Variants in CSGALNACT1 observed in about 807,000 individuals in gnomAD.
CSGALNACT1 encodes the protein chondroitin sulfate N-acetylgalactosaminyltransferase 1, also known as beta4GalNAcT-1.
A neutral mutation model predicts 51.0 loss-of-function variants in CSGALNACT1; 52 were observed. The ratio of observed to expected loss-of-function variants is 1.02; its 90% confidence interval spans 0.82 to 1.29. The LOEUF (loss-of-function observed/expected upper bound fraction) is 1.29. CSGALNACT1 is among the 50% of genes most tolerant of loss of function. The probability of loss-of-function intolerance (pLI) is 0.00; values close to 1 mark genes in which losing one functional copy is unlikely to be tolerated. For missense variants in CSGALNACT1, 935 were observed against 679.2 expected, an observed-to-expected ratio of 1.38 and a Z score of -4.19; for synonymous variants, 341 against 254.4, an observed-to-expected ratio of 1.34 and a Z score of -3.24.
At chr8:19,677,738 G>C (rs901529378) in intron 1 of CSGALNACT1, among the ~76,000 whole-genome samples, 1 of 152,184 alleles carries the variant, frequency 6.6e-6, no homozygotes, top group South Asian at 2.1e-4. Context: ...TTAAGGAAAG[G>C]TGAGATGTTG....
intron 1 of CSGALNACT1, among the ~76,000 whole-genome samples, chr8:19,614,932 TAA>T (rs2052787818): frequency 6.6e-6 from 1 of 152,240 alleles, no homozygotes; most frequent in Non-Finnish European, 1.5e-5. Flanking sequence ...GAAGCCCAGC[TAA>T]AGAGTTTTGC....
At chr8:19,675,252 GA>G (rs1012285312) in intron 1 of CSGALNACT1, among the ~76,000 whole-genome samples, 2 of 152,164 alleles carry the variant, frequency 1.3e-5, no homozygotes, top group African/African-American at 4.8e-5. Flanking sequence ...AATCAGGCAG[GA>G]TGTAGAGAGG....
intron 1 of CSGALNACT1, among the ~76,000 whole-genome samples, chr8:19,632,495 A>G (rs1463940717): frequency 6.6e-6 from 1 of 152,272 alleles, no homozygotes; most frequent in Non-Finnish European, 1.5e-5. Flanking sequence ...TTCGTCAGAA[A>G]TAAGCATAAC....
intron 5 of CSGALNACT1, among the ~76,000 whole-genome samples, chr8:19,456,202 C>A (rs754404630): frequency 5.3e-5 from 8 of 152,192 alleles, no homozygotes; most frequent in Non-Finnish European, 1.0e-4. Context: ...TCTGCTGACA[C>A]TAAGGAAATA....
intron 3 of CSGALNACT1, among the ~76,000 whole-genome samples, chr8:19,561,201 G>T (rs1320590022): frequency 1.3e-5 from 2 of 152,172 alleles, no homozygotes; most frequent in Non-Finnish European, 2.9e-5. Context: ...GGGACTCATG[G>T]AAGGTTATGG....
intron 4 of CSGALNACT1, among the ~76,000 whole-genome samples, chr8:19,495,860 G>A (rs2075356678): frequency 6.6e-6 from 1 of 152,124 alleles, no homozygotes; most frequent in Admixed American, 6.5e-5. Context: ...GGAAATATAG[G>A]GAAAAGGTAG....
intron 3 of CSGALNACT1, among the ~76,000 whole-genome samples, chr8:19,584,450 G>A (rs1164644501): frequency 6.6e-6 from 1 of 152,136 alleles, no homozygotes; most frequent in Non-Finnish European, 1.5e-5. Context: ...AGAAAGCTTA[G>A]GCTAATGGTT....
At chr8:19,473,800 A>G (rs1227151226) in intron 4 of CSGALNACT1, among the ~76,000 whole-genome samples, 2 of 152,228 alleles carry the variant, frequency 1.3e-5, no homozygotes, top group African/African-American at 2.4e-5. Flanking sequence ...TGGGGAAAAT[A>G]TATATGTATT....
At chr8:19,490,601 C>T (rs1166610039) in intron 4 of CSGALNACT1, among the ~76,000 whole-genome samples, 2 of 152,170 alleles carry the variant, frequency 1.3e-5, no homozygotes, top group Non-Finnish European at 2.9e-5. Context: ...ACTGATAAAT[C>T]CACACCAGCT....
intron 3 of CSGALNACT1, among the ~76,000 whole-genome samples, chr8:19,554,762 AC>A (rs2089270305): frequency 6.6e-6 from 1 of 152,128 alleles, no homozygotes; most frequent in African/African-American, 2.4e-5. Context: ...TACTAAAAAT[AC>A]AAAAATTAGC....
chr8:19,751,770 C>G (rs917424948), intron 1 of CSGALNACT1, among the ~76,000 whole-genome samples: 1 of 152,058 alleles, frequency 6.6e-6, no homozygotes, highest in African/African-American at 2.4e-5. Flanking sequence ...GCACTTCCCC[C>G]TTGGCTCTCT....
At chr8:19,534,947 A>T (rs941835369) in intron 3 of CSGALNACT1, among the ~76,000 whole-genome samples, 3 of 152,174 alleles carry the variant, frequency 2.0e-5, no homozygotes, top group Non-Finnish European at 4.4e-5. Context: ...GAAGCTTCAA[A>T]TCCCTGACCA....
At chr8:19,490,505 C>G (rs936275645) in intron 4 of CSGALNACT1, among the ~76,000 whole-genome samples, 8 of 152,200 alleles carry the variant, frequency 5.3e-5, no homozygotes, top group African/African-American at 1.2e-4. Context: ...GAAAGGGACT[C>G]TGACGGAGAA....
intron 1 of CSGALNACT1, among the ~76,000 whole-genome samples, chr8:19,698,075 T>A (rs1020849840): frequency 6.6e-6 from 1 of 151,426 alleles, no homozygotes; most frequent in African/African-American, 2.4e-5. Context: ...CTGCGGGGGC[T>A]GAAGAGTGAA....
chr8:19,404,938 C>T (rs954793959), exon 10 of CSGALNACT1: 1 of 454,130 alleles, frequency 2.2e-6, no homozygotes, highest in Non-Finnish European at 4.4e-6. Flanking sequence ...TTCCCTATGT[C>T]TCAATGCCTG....
chr8:19,719,602 C>A (rs1240530007), intron 1 of CSGALNACT1, among the ~76,000 whole-genome samples: 2 of 152,130 alleles, frequency 1.3e-5, no homozygotes, highest in Non-Finnish European at 2.9e-5. Flanking sequence ...AGCAAATCAG[C>A]AAAAAATCCC....
At chr8:19,641,940 A>C (rs555544183) in intron 1 of CSGALNACT1, 3 of 152,182 alleles carry the variant, frequency 2.0e-5, no homozygotes, top group Non-Finnish European at 4.4e-5. Flanking sequence ...GGTTTATTTT[A>C]CAACCCTTTA....
chr8:19,701,892 A>G (rs2061901555), intron 1 of CSGALNACT1, among the ~76,000 whole-genome samples: 1 of 152,204 alleles, frequency 6.6e-6, no homozygotes, highest in African/African-American at 2.4e-5. Flanking sequence ...ACACTGCACA[A>G]ATGAATAAAC....
rs148086246 is a variant in CSGALNACT1, at chr8:19,495,918, C to A, written c.634+9283G>T. 3.3e-5 allele frequency among the ~76,000 whole-genome samples: 5 copies of A among 152,318 alleles called. No homozygotes were observed. In the East Asian group the frequency reaches 9.6e-4, roughly 29 times the overall value. On this transcript the variant is annotated intron_variant, in intron 4 of 9. Transcript: ENST00000454498. ...ATTACCTTTGCCTCTCCAACCAATA[C>A]CCATTTTAACTCCCTTCCTCCAGCT...
Sources: gnomAD v4.1 joint callset for allele counts (sites outside exome capture counted in the v4.1 genomes callset) on GRCh38, gnomAD v4.1.1 for gene constraint, MANE v1.5 for transcripts, NCBI Gene and HGNC (gene_info 2026-07-23, HGNC 2026-07-21) for gene names.